The following ANKS1B variants were observed in gnomAD, a reference collection of about 807,000 sequenced individuals.
ANKS1B encodes ankyrin repeat and sterile alpha motif domain-containing protein 1B.
ANKS1B carries 36 observed loss-of-function variants against 148.3 expected under a neutral mutation model. The ratio of observed to expected loss-of-function variants is 0.24; its 90% CI spans 0.19 to 0.32. The LOEUF (loss-of-function observed/expected upper bound fraction) is 0.32, where lower values mean the gene tolerates loss of function less well. ANKS1B is among the 10% of genes least tolerant of loss of function. ANKS1B has a pLI of 1.00. For synonymous variants in ANKS1B, 542 were observed against 560.8 expected (o/e 0.97, Z 0.47); for missense variants, 1,157 against 1,542.6 (o/e 0.75, Z 4.19).
At chr12:99,531,795 G>C (rs769550544) in intron 9 of ANKS1B, among the ~76,000 whole-genome samples, 6 of 152,164 alleles carry the variant, frequency 3.9e-5, no homozygotes, top group Non-Finnish European at 8.8e-5. Flanking sequence ...TTCCATAGAG[G>C]TTTTACTAAT....
chr12:99,122,030 G>C (rs2153727524), intron 15 of ANKS1B, among the ~76,000 whole-genome samples: 1 of 152,252 alleles, frequency 6.6e-6, no homozygotes, highest in Admixed American at 6.5e-5. Context: ...AAAATTGTGT[G>C]AAACAGTGGA....
chr12:98,955,488 A>T (rs1335866948), intron 17 of ANKS1B, among the ~76,000 whole-genome samples: 2 of 152,194 alleles, frequency 1.3e-5, no homozygotes, highest in African/African-American at 4.8e-5. Context: ...AAAAGCCAGA[A>T]GGGGGACAAG....
intron 17 of ANKS1B, among the ~76,000 whole-genome samples, chr12:98,978,386 T>C (rs1257762341): frequency 1.3e-5 from 2 of 152,206 alleles, no homozygotes; most frequent in East Asian, 3.9e-4. Flanking sequence ...AGTTTATTTT[T>C]GGAGGATCTT....
chr12:99,508,520 T>A (rs2096734060), intron 9 of ANKS1B, among the ~76,000 whole-genome samples: 1 of 151,276 alleles, frequency 6.6e-6, no homozygotes, highest in African/African-American at 2.4e-5. Flanking sequence ...TATATAAGTA[T>A]AGTATTATAT....
intron 1 of ANKS1B, among the ~76,000 whole-genome samples, chr12:99,943,025 T>C (rs182767524): frequency 1.8e-4 from 27 of 152,198 alleles, no homozygotes; most frequent in Non-Finnish European, 3.1e-4. Flanking sequence ...AAGAGGACAA[T>C]CCTGATCGAC....
intron 24 of ANKS1B, among the ~76,000 whole-genome samples, chr12:98,777,755 T>C (rs985007038): frequency 6.6e-6 from 1 of 152,258 alleles, no homozygotes; most frequent in Non-Finnish European, 1.5e-5. Context: ...AGTTTATAAC[T>C]AGGCCTCTAA....
At position 99,157,899 on chromosome 12, in the gene ANKS1B, G is replaced by A. The variant is rs183854903; in HGVS notation, c.2420-3504C>T. Among the ~76,000 whole-genome samples, 214 of 152,260 alleles carry A rather than the reference G, an allele frequency of 1.4e-3. 2 individuals are homozygous for A. Among genetic ancestry groups the A allele is most frequent in the African/African-American group, 5.0e-3 (208 of 41,548 alleles). On this transcript the variant is annotated intron_variant, in intron 14 of 26. Coordinates refer to ENST00000683438, the MANE Select transcript of ANKS1B (RefSeq NM_001352186.2). ...CTGCTATATAAGAACACAACTCAGA[G>A]AAAATACTGGTTATGAACTACTTTA...
chr12:98,803,826 C>T (rs1175541744), intron 20 of ANKS1B, among the ~76,000 whole-genome samples: 1 of 152,192 alleles, frequency 6.6e-6, no homozygotes, highest in Non-Finnish European at 1.5e-5. Flanking sequence ...AACTCACACA[C>T]TTTTATAATT....
intron 17 of ANKS1B, among the ~76,000 whole-genome samples, chr12:98,837,657 C>T (rs2099382525): frequency 6.6e-6 from 1 of 152,102 alleles, no homozygotes; most frequent in Non-Finnish European, 1.5e-5. Context: ...GGGAATTCTG[C>T]CAGACAGTAT....
At chr12:99,803,723 C>T (rs1411872156) in intron 4 of ANKS1B, among the ~76,000 whole-genome samples, 1 of 152,204 alleles carries the variant, frequency 6.6e-6, no homozygotes. Flanking sequence ...TTTTAAAATA[C>T]TCTTTAGCCA....
intron 15 of ANKS1B, among the ~76,000 whole-genome samples, chr12:99,140,531 C>A (rs972438826): frequency 6.6e-6 from 1 of 152,134 alleles, no homozygotes; most frequent in Non-Finnish European, 1.5e-5. Context: ...GCACTCTTGT[C>A]ACCATCATGA....
At chr12:99,061,812 G>A (rs554535706) in intron 16 of ANKS1B, among the ~76,000 whole-genome samples, 49 of 152,222 alleles carry the variant, frequency 3.2e-4, no homozygotes, top group African/African-American at 1.0e-3. Flanking sequence ...TTGTGGGGCC[G>A]TAAGTTTTCA....
At chr12:99,577,416 T>A (rs2097529537) in intron 9 of ANKS1B, among the ~76,000 whole-genome samples, 1 of 149,400 alleles carries the variant, frequency 6.7e-6, no homozygotes. Flanking sequence ...GATGTAAAAA[T>A]CCATACTAAA....
chr12:99,415,802 GCCT>G (rs1159414130), intron 11 of ANKS1B, among the ~76,000 whole-genome samples: 1 of 151,968 alleles, frequency 6.6e-6, no homozygotes, highest in Non-Finnish European at 1.5e-5. Context: ...TCCTGCCTCA[GCCT>G]CCTAAGTAGC....
Position 99,275,082 on chromosome 12 carries a change from G to T in ANKS1B, c.1757-28218C>A, listed in dbSNP as rs113512113. Among the ~76,000 whole-genome samples, 7 of 152,232 alleles carry T rather than the reference G, an allele frequency of 4.6e-5. No homozygotes were observed. In the South Asian group the frequency reaches 1.4e-3, roughly 32 times the overall value. On this transcript the variant is annotated intron_variant, in intron 12 of 26. Coordinates refer to ENST00000683438, the MANE Select transcript of ANKS1B (RefSeq NM_001352186.2). ...AAATTTTTGTGGGTAGATAGTAGGT[G>T]TATGTATTAATGGAGTAAATGAAAC... is the stretch of plus-strand genomic sequence containing the variant.
intron 17 of ANKS1B, among the ~76,000 whole-genome samples, chr12:98,995,333 G>A (rs998944818): frequency 5.9e-5 from 9 of 152,154 alleles, no homozygotes; most frequent in African/African-American, 1.9e-4. Context: ...GTTCACGCCT[G>A]TAATCCCAGC....
chr12:99,180,626 GTTT>G (rs11415606), intron 14 of ANKS1B, among the ~76,000 whole-genome samples: 3 of 126,004 alleles, frequency 2.4e-5, no homozygotes, highest in Non-Finnish European at 1.7e-5. Context: ...GAGGGAAAGG[GTTT>G]TTTTTTTTTT....
intron 2 of ANKS1B, among the ~76,000 whole-genome samples, chr12:99,814,267 C>G (rs2068815176): frequency 6.6e-6 from 1 of 151,620 alleles, no homozygotes; most frequent in Non-Finnish European, 1.5e-5. Context: ...GTCTCATTTT[C>G]TTTTTCTTCA....
intron 9 of ANKS1B, among the ~76,000 whole-genome samples, chr12:99,608,855 T>C (rs2097873965): frequency 6.6e-6 from 1 of 151,994 alleles, no homozygotes; most frequent in Non-Finnish European, 1.5e-5. Flanking sequence ...TTTTATCTGC[T>C]GACCAACAAA....
Sources: allele counts gnomAD v4.1 joint callset (sites outside exome capture counted in the v4.1 genomes callset), GRCh38; gene constraint gnomAD v4.1.1; transcripts MANE v1.5; gene names NCBI Gene and HGNC (gene_info 2026-07-23, HGNC 2026-07-21).